The following CCDC40 variants were observed in gnomAD, a reference collection of about 807,000 sequenced individuals.
The protein encoded by CCDC40 is coiled-coil domain 40 molecular ruler complex subunit.
A neutral mutation model predicts 124.5 loss-of-function variants in CCDC40; 104 were observed. That is an observed-to-expected ratio of 0.84 (90% confidence interval 0.71 to 0.98). The LOEUF (loss-of-function observed/expected upper bound fraction) is 0.98. Ranked by LOEUF, CCDC40 falls within the 50% of genes least tolerant of loss-of-function variation. The probability of loss-of-function intolerance (pLI) is 0.00; values close to 1 mark genes in which losing one functional copy is unlikely to be tolerated. For synonymous variants in CCDC40, 580 were observed against 602.9 expected (o/e 0.96, Z 0.56); for missense variants, 1,463 against 1,503.9 (o/e 0.97, Z 0.45).
chr17:80,045,922 A>G (rs1357090553), intron 3 of CCDC40, among the ~76,000 whole-genome samples: 3 of 151,590 alleles, frequency 2.0e-5, no homozygotes, highest in African/African-American at 7.3e-5. Context: ...CCTGTTATTG[A>G]TCCTTACAGC....
At chr17:80,040,815 G>A (rs1038427639) in intron 3 of CCDC40, among the ~76,000 whole-genome samples, 2 of 152,106 alleles carry the variant, frequency 1.3e-5, no homozygotes, top group Non-Finnish European at 2.9e-5. Flanking sequence ...CGCCATCCAC[G>A]TAAGGGCATC....
At chr17:80,039,786 A>T (rs755502464) in intron 2 of CCDC40, 26 bp from the exon 3 acceptor site, 28 of 1,611,826 alleles carry the variant, frequency 1.7e-5, no homozygotes, top group African/African-American at 2.7e-5. Flanking sequence ...TTGTTTCCTG[A>T]TTTTTTTCCT....
In CCDC40 at chr17:80,099,704, C is replaced by T. The variant is rs2143789412; in HGVS notation, c.3358C>T (p.Gln1120Ter). The T allele has an allele frequency of 6.2e-7, 1 of 1,613,888 alleles. No individual in the cohort carries two copies. Among genetic ancestry groups the T allele is most frequent in the Non-Finnish European group, 8.5e-7 (1 of 1,180,038 alleles). The change falls in exon 20 of 20, where the codon CAG (glutamine) becomes TAG (stop). Residue 1120 changes from glutamine to a stop codon, truncating the protein, a stop_gained. Coordinates refer to ENST00000397545, the MANE Select transcript of CCDC40 (RefSeq NM_017950.4). LOFTEE classifies it low-confidence loss of function (END_TRUNC). ...ILDRVRDEYP[Q>*]FQEALHKVSQ... ...GGACCGCGTGCGGGACGAGTACCCC[C>T]AGTTCCAGGAGGCCCTGCACAAGGT...
chr17:80,068,986 T>C (rs2038120421), intron 10 of CCDC40, among the ~76,000 whole-genome samples: 1 of 152,214 alleles, frequency 6.6e-6, no homozygotes, highest in Admixed American at 6.5e-5. Flanking sequence ...CCGAAGTTCA[T>C]GGCCTGTCCG....
At chr17:80,068,870 T>G (rs1213740188) in intron 10 of CCDC40, among the ~76,000 whole-genome samples, 7 of 152,242 alleles carry the variant, frequency 4.6e-5, no homozygotes, top group African/African-American at 1.7e-4. Context: ...AGCAGATTCT[T>G]ATCTGTGGGG....
chr17:80,083,594 G>A (rs984936045), intron 12 of CCDC40, among the ~76,000 whole-genome samples: 1 of 152,214 alleles, frequency 6.6e-6, no homozygotes, highest in Non-Finnish European at 1.5e-5. Context: ...AGAGGACCCT[G>A]TCCTGGTGGT....
rs1313334305 is a variant in CCDC40 at position 80,095,243 on chromosome 17, C to G, written c.2833-20C>G. ...AGCTCAGGCCTGCCCCAGCCCCAGCCCCTCTGTCCTGTCTCCCAGGTCAGG... is the reference window on the plus strand; with the variant it reads ...AGCTCAGGCCTGCCCCAGCCCCAGCGCCTCTGTCCTGTCTCCCAGGTCAGG... On this transcript the variant is annotated intron_variant, in intron 17 of 19. Coordinates refer to ENST00000397545, the MANE Select transcript of CCDC40 (RefSeq NM_017950.4). The G allele has an allele frequency of 1.2e-6, 2 of 1,612,600 alleles. No homozygotes were observed. The highest frequency in any genetic ancestry group is 1.7e-6 in the Non-Finnish European group (2 of 1,179,306).
At chr17:80,060,139 G>A (rs1030560449) in intron 9 of CCDC40, among the ~76,000 whole-genome samples, 2 of 152,164 alleles carry the variant, frequency 1.3e-5, no homozygotes, top group Non-Finnish European at 2.9e-5. Context: ...AGTCTGCTCA[G>A]GACTGAGGGG....
In CCDC40 at chr17:80,072,464, A is replaced by T. The variant is rs201555320; in HGVS notation, c.1562+6858A>T. On this transcript the variant is annotated intron_variant, in intron 10 of 19. Coordinates refer to ENST00000397545, the MANE Select transcript of CCDC40 (RefSeq NM_017950.4). ...CACAGTTTGTAACTGTATCTTTTTA[A>T]ATTGGGCATCTTATTTTTATTGTCA... is the stretch of plus-strand genomic sequence containing the variant. Among the ~76,000 whole-genome samples, 20 of 152,210 alleles carry T rather than the reference A, an allele frequency of 1.3e-4. No individual in the cohort carries two copies. In the East Asian group the frequency reaches 2.3e-3, roughly 18 times the overall value.
chr17:80,041,449 C>A (rs7502655), intron 3 of CCDC40, among the ~76,000 whole-genome samples: 148,966 of 151,840 alleles, frequency 0.98, 73,111 homozygotes, highest in Middle Eastern at 1. Flanking sequence ...CAGGGGTTGC[C>A]GTCAGCCGAG....
chr17:80,050,327 G>T, intron 7 of CCDC40, 44 bp downstream of exon 7: 2 of 1,470,444 alleles, frequency 1.4e-6, no homozygotes, highest in Non-Finnish European at 1.9e-6. Flanking sequence ...GTCCTGGAGG[G>T]TTTCCCAGGG....
Position 80,039,947 on chromosome 17 carries a change from G to A in CCDC40, c.229G>A (p.Val77Met), listed in dbSNP as rs1211134541. 2.5e-6 allele frequency: 4 copies of A among 1,613,578 alleles called. No homozygotes were observed. The African/African-American group carries it at 5.3e-5, about 22-fold the overall frequency. Residue 77 changes from valine (V) to methionine (M), a missense_variant, in exon 3 of 20, where the codon GTG becomes ATG. Val to Met is a conservative substitution (Grantham distance 21). Transcript: ENST00000397545. ...GGTGGAGACAGAAGGGGAAGCAGCA[G>A]TGGAAGGGGAAGAGGAGGCTGTGTC... ...GEVETEGEAA[V>M]EGEEEAVSYG...
At position 80,081,729 on chromosome 17, in the gene CCDC40, G is replaced by A; in HGVS notation, c.1746G>A (p.Gln582=). Residue 582 remains glutamine, a synonymous_variant, in exon 11 of 20, where the codon CAG becomes CAA. Coordinates refer to ENST00000397545, the MANE Select transcript of CCDC40 (RefSeq NM_017950.4). ...CLTKQVALQS[Q]FNTYRLTLQD... Reference sequence around the variant, plus strand: ...CCAAGCAGGTGGCCCTGCAGAGCCAGTTCAATACCTACAGGCTCACCCTGC... The same window carrying A: ...CCAAGCAGGTGGCCCTGCAGAGCCAATTCAATACCTACAGGCTCACCCTGC... 6.2e-7 allele frequency: 1 copy of A among 1,614,116 alleles called. No homozygotes were observed. Among genetic ancestry groups the A allele is most frequent in the Non-Finnish European group, 8.5e-7 (1 of 1,180,014 alleles).
At chr17:80,088,749 G>C (rs1458735468) in intron 16 of CCDC40, among the ~76,000 whole-genome samples, 1 of 152,186 alleles carries the variant, frequency 6.6e-6, no homozygotes, top group Non-Finnish European at 1.5e-5. Context: ...CAAGGCTGCA[G>C]TGAGCTAGGA....
chr17:80,097,955 A>G (rs1020122457), intron 19 of CCDC40: 1 of 164,040 alleles, frequency 6.1e-6, no homozygotes, highest in Admixed American at 6.3e-5. Context: ...GAAAAGAAAA[A>G]GGGAAATGGT....
chr17:80,041,054 A>G (rs930105581), intron 3 of CCDC40, among the ~76,000 whole-genome samples: 3 of 152,212 alleles, frequency 2.0e-5, no homozygotes, highest in Non-Finnish European at 2.9e-5. Flanking sequence ...TTTTTCATCA[A>G]TTTTCTTTAA....
At chr17:80,080,238 A>G (rs1243431193) in intron 10 of CCDC40, among the ~76,000 whole-genome samples, 2 of 152,136 alleles carry the variant, frequency 1.3e-5, no homozygotes, top group Non-Finnish European at 2.9e-5. Context: ...TGTTTAAAGT[A>G]CCGCAGAACA....
At chr17:80,052,604 A>AGT in intron 7 of CCDC40, among the ~76,000 whole-genome samples, 1 of 128,178 alleles carries the variant, frequency 7.8e-6, no homozygotes, top group South Asian at 2.3e-4. Context: ...TTCACACCAA[A>AGT]ATGAGTTACC....
chr17:80,094,198 G>T (rs1168812829), intron 17 of CCDC40, among the ~76,000 whole-genome samples: 3 of 150,376 alleles, frequency 2.0e-5, no homozygotes, highest in African/African-American at 7.3e-5. Flanking sequence ...GATCACTTGA[G>T]GTCAGTTCAA....
Sources: allele counts gnomAD v4.1 joint callset (sites outside exome capture counted in the v4.1 genomes callset), GRCh38; gene constraint gnomAD v4.1.1; transcripts MANE v1.5; gene names NCBI Gene and HGNC (gene_info 2026-07-23, HGNC 2026-07-21).